BLTP3B: variants seen among roughly 807,000 people sequenced by gnomAD.
The protein encoded by BLTP3B is UHRF1 (ICBP90) binding protein 1-like.
the BLTP3B span, among the ~76,000 whole-genome samples, chr12:100,055,271 G>A: frequency 4.6e-5 from 7 of 152,140 alleles, no homozygotes; most frequent in Non-Finnish European, 1.0e-4. Flanking sequence ...CCTAGGCTTT[G>A]TTTGCCTCAC....
chr12:100,089,088 G>A, the BLTP3B span: 93,128 of 1,561,336 alleles, frequency 0.06, 3,151 homozygotes, highest in South Asian at 0.08. Flanking sequence ...TGCGACTACT[G>A]TAGAGCTCTA....
At chr12:100,109,318 T>G in the BLTP3B span, among the ~76,000 whole-genome samples, 1 of 152,040 alleles carries the variant, frequency 6.6e-6, no homozygotes, top group Non-Finnish European at 1.5e-5. Context: ...CAATTAAACT[T>G]CTTTCTTCAG....
chr12:100,086,254 T>G, the BLTP3B span: 1 of 1,388,148 alleles, frequency 7.2e-7, no homozygotes, highest in African/African-American at 1.5e-5. Flanking sequence ...TTATATCTTT[T>G]AAAGATGCTG....
chr12:100,089,559 C>CA, the BLTP3B span, among the ~76,000 whole-genome samples: 7 of 151,426 alleles, frequency 4.6e-5, no homozygotes, highest in East Asian at 1.9e-4. Context: ...GACTCCATCT[C>CA]AAAAAAACAA....
the BLTP3B span, among the ~76,000 whole-genome samples, chr12:100,079,663 C>T: frequency 6.9e-3 from 1,052 of 152,262 alleles, 29 homozygotes; most frequent in East Asian, 0.031. Flanking sequence ...AAGCCAGCTA[C>T]AGAAATTTGC....
chr12:100,063,424 C>T, the BLTP3B span, among the ~76,000 whole-genome samples: 79 of 152,106 alleles, frequency 5.2e-4, no homozygotes, highest in Admixed American at 2.0e-4. Context: ...GGGAGAATAC[C>T]GGCCAGGCAC....
At chr12:100,109,636 C>T in the BLTP3B span, among the ~76,000 whole-genome samples, 1 of 152,032 alleles carries the variant, frequency 6.6e-6, no homozygotes, top group Non-Finnish European at 1.5e-5. Context: ...CATGTTGGCG[C>T]ATGCCTGTAG....
At chr12:100,068,062 C>G in the BLTP3B span, among the ~76,000 whole-genome samples, 12 of 152,112 alleles carry the variant, frequency 7.9e-5, no homozygotes, top group African/African-American at 2.4e-4. Flanking sequence ...GCAAAAAGAA[C>G]AAAACTGGAG....
At chr12:100,038,251 T>C in the BLTP3B span, among the ~76,000 whole-genome samples, 3 of 152,208 alleles carry the variant, frequency 2.0e-5, no homozygotes, top group African/African-American at 4.8e-5. Context: ...GATGATCTTA[T>C]CTCTCATGGC....
chr12:100,092,256 G>T, the BLTP3B span, among the ~76,000 whole-genome samples: 1 of 152,128 alleles, frequency 6.6e-6, no homozygotes, highest in African/African-American at 2.4e-5. Context: ...TTTCTGACAC[G>T]TTGTCTTGGG....
At chr12:100,040,702 A>G in the BLTP3B span, among the ~76,000 whole-genome samples, 2 of 151,780 alleles carry the variant, frequency 1.3e-5, no homozygotes, top group Admixed American at 1.3e-4. Flanking sequence ...AACAACAACA[A>G]CAACAAAAAA....
the BLTP3B span, among the ~76,000 whole-genome samples, chr12:100,096,897 T>G: frequency 1.3e-5 from 2 of 152,074 alleles, no homozygotes. Context: ...CTGAGCAATA[T>G]AATAAGACCT....
the BLTP3B span, among the ~76,000 whole-genome samples, chr12:100,129,469 C>T: frequency 6.6e-6 from 1 of 152,158 alleles, no homozygotes; most frequent in African/African-American, 2.4e-5. Flanking sequence ...AGTCCTGTGG[C>T]GGATGCTAAA....
At chr12:100,129,894 C>A in the BLTP3B span, among the ~76,000 whole-genome samples, 1 of 152,192 alleles carries the variant, frequency 6.6e-6, no homozygotes, top group African/African-American at 2.4e-5. Context: ...TTTGTATACA[C>A]GCTCTAGTCC....
the BLTP3B span, among the ~76,000 whole-genome samples, chr12:100,081,402 CTT>C: frequency 1.3e-5 from 2 of 152,104 alleles, no homozygotes; most frequent in Non-Finnish European, 2.9e-5. Context: ...TGTCTGAAGT[CTT>C]TATTTTTGTT....
At chr12:100,129,404 C>A in the BLTP3B span, among the ~76,000 whole-genome samples, 3 of 152,260 alleles carry the variant, frequency 2.0e-5, no homozygotes, top group Non-Finnish European at 4.4e-5. Context: ...CAAAGTAGTA[C>A]AAATTTATTT....
the BLTP3B span, among the ~76,000 whole-genome samples, chr12:100,134,309 A>T: frequency 6.6e-6 from 1 of 152,188 alleles, no homozygotes; most frequent in East Asian, 1.9e-4. Context: ...CTCCAATTAA[A>T]TATCTAACAT....
chr12:100,103,966 T>A, the BLTP3B span: 1 of 1,594,074 alleles, frequency 6.3e-7, no homozygotes, highest in Non-Finnish European at 8.5e-7. Flanking sequence ...AAATGAAAAA[T>A]TTTTAATTTA....
At chr12:100,089,216 C>A in the BLTP3B span, 1 of 803,376 alleles carries the variant, frequency 1.2e-6, no homozygotes, top group Admixed American at 3.8e-5. Flanking sequence ...TATTTTTCAT[C>A]AATAATATAT....
Sources: gnomAD v4.1 joint callset for allele counts (sites outside exome capture counted in the v4.1 genomes callset) on GRCh38, gnomAD v4.1.1 for gene constraint, MANE v1.5 for transcripts, NCBI Gene and HGNC (gene_info 2026-07-23, HGNC 2026-07-21) for gene names.